Variants in IL34 observed in about 807,000 individuals in gnomAD.
IL34 encodes the protein interleukin 34, also known as interleukin-34.
IL34 carries 17 observed loss-of-function variants against 25.3 expected under a neutral mutation model. The observed-to-expected ratio is 0.67, with a 90% CI of 0.46 to 1.01. The LOEUF (loss-of-function observed/expected upper bound fraction) is 1.01, where lower values mean the gene tolerates loss of function less well. Ranked by LOEUF, IL34 falls within the 50% of genes least tolerant of loss-of-function variation. The probability of loss-of-function intolerance (pLI) is 0.00; values close to 1 mark genes in which losing one functional copy is unlikely to be tolerated. For synonymous variants in IL34, 174 were observed against 140.9 expected, an observed-to-expected ratio of 1.23 and a Z score of -1.66; for missense variants, 368 against 312.9, an observed-to-expected ratio of 1.18 and a Z score of -1.33.
chr16:70,595,324 A>C (rs2050806601), intron 1 of IL34, among the ~76,000 whole-genome samples: 1 of 144,652 alleles, frequency 6.9e-6, no homozygotes, highest in Admixed American at 7.0e-5. Context: ...TTCTCCTCTA[A>C]TTCCTTCTCC....
chr16:70,632,024 C>T (rs1197250643), intron 1 of IL34, among the ~76,000 whole-genome samples: 3 of 151,148 alleles, frequency 2.0e-5, no homozygotes, highest in African/African-American at 4.9e-5. Flanking sequence ...TTACCTGAGC[C>T]TGGGGAGGTC....
intron 5 of IL34, 83 bp from the exon 6 acceptor site, chr16:70,659,914 A>T (rs2052348602): frequency 6.8e-7 from 1 of 1,481,128 alleles, no homozygotes; most frequent in African/African-American, 1.4e-5. Context: ...AGAGTGGGGG[A>T]CAAGCACATG....
At chr16:70,600,231 C>G (rs1378617623) in intron 1 of IL34, among the ~76,000 whole-genome samples, 1 of 152,138 alleles carries the variant, frequency 6.6e-6, no homozygotes, top group Non-Finnish European at 1.5e-5. Flanking sequence ...CTCTCTACCC[C>G]CTGCCACAAA....
At chr16:70,645,417 C>T (rs746978008), upstream of IL34, among the ~76,000 whole-genome samples, 4 of 152,152 alleles carry the variant, frequency 2.6e-5, no homozygotes. Context: ...ACTCTGTAGC[C>T]ATTTTCCCCC....
intron 1 of IL34, among the ~76,000 whole-genome samples, chr16:70,629,919 C>T (rs570505199): frequency 1.3e-5 from 2 of 152,252 alleles, no homozygotes; most frequent in East Asian, 3.9e-4. Context: ...ACTCTAGTCA[C>T]CCTGTTGTGT....
chr16:70,598,133 A>T (rs1250944710), intron 1 of IL34, among the ~76,000 whole-genome samples: 1 of 152,126 alleles, frequency 6.6e-6, no homozygotes, highest in Non-Finnish European at 1.5e-5. Flanking sequence ...GGCATAAGGC[A>T]CCGCGCCTGG....
intron 1 of IL34, among the ~76,000 whole-genome samples, chr16:70,629,572 A>G (rs1597758486): frequency 6.6e-6 from 1 of 152,336 alleles, no homozygotes; most frequent in African/African-American, 2.4e-5. Context: ...TAAATTACTT[A>G]TAATAACGAA....
intron 1 of IL34, among the ~76,000 whole-genome samples, chr16:70,649,904 T>C (rs2052036483): frequency 6.6e-6 from 1 of 152,196 alleles, no homozygotes; most frequent in Non-Finnish European, 1.5e-5. Flanking sequence ...GTTCAGATGA[T>C]TCTTGTGTCT....
intron 1 of IL34, among the ~76,000 whole-genome samples, chr16:70,608,082 T>C (rs530897033): frequency 1.3e-5 from 2 of 151,830 alleles, no homozygotes; most frequent in South Asian, 2.1e-4. Flanking sequence ...TTTCTTTTTT[T>C]AGTTTGTTAA....
At position 70,583,510 on chromosome 16, in the gene IL34, C is replaced by T. The variant is rs542347988; in HGVS notation, c.-401+3461C>T. ...TGGCCTGGTATGCCTCCAGCCTTCC[C>T]CTGCATCTCAGGGGCTCTAATTGTG... On this transcript the variant is annotated intron_variant, in intron 1 of 6. Coordinates refer to the IL34 transcript ENST00000429149. 1.2e-4 allele frequency among the ~76,000 whole-genome samples: 19 copies of T among 152,268 alleles called. No individual in the cohort carries two copies. In the South Asian group the frequency reaches 3.7e-3, roughly 30 times the overall value.
rs1362481319 is a variant in IL34 at position 70,603,896 on chromosome 16, C to T, written c.-401+23847C>T. Among the ~76,000 whole-genome samples the T allele has an allele frequency of 2.6e-5, 4 of 152,270 alleles. No individual in the cohort carries two copies. In the East Asian group the frequency reaches 7.7e-4, roughly 29 times the overall value. The stretch of plus-strand genomic sequence containing the variant: ...TGCACCTGCCTGATTCTTTCTATTG[C>T]TGAGGAGATTCCATCGTATGGACAT... On this transcript the variant is annotated intron_variant, in intron 1 of 6. Coordinates refer to the IL34 transcript ENST00000429149.
upstream of IL34, among the ~76,000 whole-genome samples, chr16:70,644,933 GGAA>G (rs1380036544): frequency 2.6e-5 from 1 of 38,956 alleles, no homozygotes; most frequent in African/African-American, 4.4e-4. Flanking sequence ...GGAGGAAGGA[GGAA>G]GAGGAGGAAG....
At chr16:70,584,732 G>A (rs887819780) in intron 1 of IL34, among the ~76,000 whole-genome samples, 1 of 150,684 alleles carries the variant, frequency 6.6e-6, no homozygotes, top group Non-Finnish European at 1.5e-5. Context: ...ATGGAGCCTT[G>A]GTCTGTCAGC....
At chr16:70,605,982 T>C (rs2050998269) in intron 1 of IL34, among the ~76,000 whole-genome samples, 1 of 151,490 alleles carries the variant, frequency 6.6e-6, no homozygotes, top group South Asian at 2.1e-4. Flanking sequence ...TTTTTTTTTT[T>C]TTTTTTTTTT....
chr16:70,605,242 G>A (rs992647999), intron 1 of IL34, among the ~76,000 whole-genome samples: 3 of 152,178 alleles, frequency 2.0e-5, no homozygotes, highest in East Asian at 1.9e-4. Flanking sequence ...AGTCTCTGAC[G>A]ACAAGAGGCC....
chr16:70,606,369 G>A (rs1384679252), intron 1 of IL34, among the ~76,000 whole-genome samples: 1 of 152,164 alleles, frequency 6.6e-6, no homozygotes, highest in East Asian at 1.9e-4. Flanking sequence ...CTGCACTCCA[G>A]CCTGGGCAAC....
At chr16:70,638,641 C>T (rs771038678) in intron 1 of IL34, among the ~76,000 whole-genome samples, 4 of 152,032 alleles carry the variant, frequency 2.6e-5, no homozygotes, top group South Asian at 2.1e-4. Context: ...CTCTGTCACC[C>T]GGGCTGGTCT....
chr16:70,619,989 A>C (rs1460981889), intron 1 of IL34, among the ~76,000 whole-genome samples: 1 of 151,952 alleles, frequency 6.6e-6, no homozygotes, highest in African/African-American at 2.4e-5. Flanking sequence ...GGAGTTTGGA[A>C]GTTCTTGTGT....
upstream of IL34, among the ~76,000 whole-genome samples, chr16:70,644,917 GAA>G (rs200076304): frequency 0.083 from 8,613 of 103,348 alleles, 511 homozygotes; most frequent in South Asian, 0.17. Flanking sequence ...GGAGGGAGGA[GAA>G]GGAGGAGGAA....
Sources: allele counts gnomAD v4.1 joint callset (sites outside exome capture counted in the v4.1 genomes callset), GRCh38; gene constraint gnomAD v4.1.1; transcripts MANE v1.5; gene names NCBI Gene and HGNC (gene_info 2026-07-23, HGNC 2026-07-21).